THSD7B: variants seen among roughly 807,000 people sequenced by gnomAD.
THSD7B encodes thrombospondin type 1 domain containing 7B, also known as thrombospondin type-1 domain-containing protein 7B.
In THSD7B, 138 loss-of-function variants were observed where a neutral mutation model predicts 213.6. The ratio of observed to expected loss-of-function variants is 0.65; its 90% CI spans 0.56 to 0.74. The LOEUF is 0.74. Among genes scored for constraint, THSD7B ranks in the 30% least tolerant of loss-of-function variants. The pLI is 0.00. For synonymous variants in THSD7B, 742 were observed against 687.0 expected (o/e 1.08, Z -1.25); for missense variants, 1,931 against 1,991.5 (o/e 0.97, Z 0.58).
intron 20 of THSD7B, among the ~76,000 whole-genome samples, chr2:137,633,209 T>C (rs143114573): frequency 6.6e-6 from 1 of 152,314 alleles, no homozygotes; most frequent in Non-Finnish European, 1.5e-5. Flanking sequence ...AAGTGAGAAG[T>C]ACAGCTTTAA....
chr2:136,898,835 G>A (rs527499663), intron 2 of THSD7B, among the ~76,000 whole-genome samples: 17 of 151,744 alleles, frequency 1.1e-4, no homozygotes, highest in African/African-American at 3.6e-4. Flanking sequence ...TAGAGACAGG[G>A]TTTCACCATG....
At chr2:137,405,249 AG>A (rs1405449869) in intron 12 of THSD7B, among the ~76,000 whole-genome samples, 1 of 151,738 alleles carries the variant, frequency 6.6e-6, no homozygotes, top group Non-Finnish European at 1.5e-5. Flanking sequence ...ATTTTTTAAA[AG>A]TAGTTTCGTC....
intron 2 of THSD7B, among the ~76,000 whole-genome samples, chr2:137,043,785 G>A (rs967281321): frequency 3.6e-4 from 55 of 152,256 alleles, no homozygotes; most frequent in African/African-American, 1.3e-3. Flanking sequence ...GGGCAAGGGG[G>A]AAAAGAGAAA....
intron 12 of THSD7B, among the ~76,000 whole-genome samples, chr2:137,352,977 G>A (rs1007798560): frequency 7.9e-5 from 12 of 151,986 alleles, no homozygotes; most frequent in African/African-American, 2.9e-4. Context: ...GGTAGAATGA[G>A]CCTTGCTTAA....
intron 9 of THSD7B, among the ~76,000 whole-genome samples, chr2:137,238,412 T>A (rs1681814545): frequency 6.6e-6 from 1 of 152,086 alleles, no homozygotes; most frequent in Non-Finnish European, 1.5e-5. Context: ...ACCTTAAAAA[T>A]TAATAAGGGA....
chr2:137,377,575 T>A (rs1023040415), intron 12 of THSD7B, among the ~76,000 whole-genome samples: 1 of 152,132 alleles, frequency 6.6e-6, no homozygotes, highest in African/African-American at 2.4e-5. Context: ...TCATTTAAGA[T>A]TCAGAATATT....
At chr2:137,051,021 A>G (rs1318390740) in intron 2 of THSD7B, among the ~76,000 whole-genome samples, 4 of 152,196 alleles carry the variant, frequency 2.6e-5, no homozygotes, top group Non-Finnish European at 5.9e-5. Context: ...TTAGAAATAT[A>G]GACTTGGAAA....
chr2:137,676,768 T>G lies in THSD7B; in HGVS notation c.*163T>G. ...GCCTCAACTTCATTTGGACATGGAGTCAAGGATTATTAGGTCTGCCATTTT... is the reference window on the plus strand; with the variant it reads ...GCCTCAACTTCATTTGGACATGGAGGCAAGGATTATTAGGTCTGCCATTTT... On this transcript the variant is annotated 3_prime_UTR_variant, in exon 28 of 28. Coordinates refer to ENST00000409968, the MANE Select transcript of THSD7B (RefSeq NM_001316349.2). 1 of 576,792 alleles carries G rather than the reference T, an allele frequency of 1.7e-6. No homozygotes were observed. 35.7% of individuals were successfully genotyped at this position (576,792 alleles called of 1,614,324 possible). A position where few individuals can be genotyped will look rare whatever the true frequency, so the allele number is the denominator to read the frequency against.
intron 12 of THSD7B, among the ~76,000 whole-genome samples, chr2:137,348,934 A>G (rs1209466823): frequency 6.6e-6 from 1 of 151,562 alleles, no homozygotes; most frequent in Middle Eastern, 3.2e-3. Flanking sequence ...CTGATACTCT[A>G]AAAGTAAATC....
chr2:137,216,843 G>T (rs1242067500), intron 7 of THSD7B, among the ~76,000 whole-genome samples: 1 of 152,150 alleles, frequency 6.6e-6, no homozygotes, highest in Non-Finnish European at 1.5e-5. Context: ...CAATGCCAGT[G>T]CTCATAGTTT....
chr2:137,032,771 A>T (rs1400636892), intron 2 of THSD7B, among the ~76,000 whole-genome samples: 2 of 152,220 alleles, frequency 1.3e-5, no homozygotes, highest in African/African-American at 4.8e-5. Context: ...GAGTCATTTA[A>T]TCATTTATAA....
At chr2:136,936,830 T>TA (rs1684742008) in intron 2 of THSD7B, among the ~76,000 whole-genome samples, 2 of 151,032 alleles carry the variant, frequency 1.3e-5, no homozygotes, top group East Asian at 1.9e-4. Flanking sequence ...ATAATTTTTT[T>TA]TAAAAAAAGA....
intron 7 of THSD7B, among the ~76,000 whole-genome samples, chr2:137,182,625 A>C (rs1680476566): frequency 6.6e-6 from 1 of 152,190 alleles, no homozygotes; most frequent in African/African-American, 2.4e-5. Context: ...TTCTAAATCA[A>C]ACATACTCGC....
chr2:137,334,211 T>C (rs981856125), intron 12 of THSD7B, among the ~76,000 whole-genome samples: 6 of 151,780 alleles, frequency 4.0e-5, no homozygotes, highest in African/African-American at 7.3e-5. Flanking sequence ...TTTCTCTCTT[T>C]CTCCTTCCTT....
intron 5 of THSD7B, among the ~76,000 whole-genome samples, chr2:137,137,143 C>G (rs1394703844): frequency 6.6e-6 from 1 of 152,002 alleles, no homozygotes; most frequent in Admixed American, 6.6e-5. Flanking sequence ...TACTTTATAC[C>G]TCTGTGATCA....
In THSD7B at chr2:137,656,645, A is replaced by G. The variant is rs574432314; in HGVS notation, c.4106-151A>G. The stretch of plus-strand genomic sequence containing the variant: ...TAAATTACTTCATCATTCTTAGTAC[A>G]TTCTGATTGGAAAATTGATCAATAT... On this transcript the variant is annotated intron_variant, in intron 22 of 27. Coordinates refer to ENST00000409968, the MANE Select transcript of THSD7B (RefSeq NM_001316349.2). The G allele has an allele frequency of 2.7e-5, 19 of 695,266 alleles. No individual in the cohort carries two copies. The South Asian group carries it at 5.8e-4, about 21-fold the overall frequency. The allele number at this position is 695,266 out of a possible 1,614,324, so 43.1% of individuals were successfully genotyped here. A position where few individuals can be genotyped will look rare whatever the true frequency, so the allele number is the denominator to read the frequency against.
At chr2:137,536,744 A>G (rs897963065) in intron 15 of THSD7B, among the ~76,000 whole-genome samples, 3 of 151,682 alleles carry the variant, frequency 2.0e-5, no homozygotes, top group African/African-American at 7.3e-5. Flanking sequence ...ATCATAATAC[A>G]TTCAAATTTC....
intron 1 of THSD7B, among the ~76,000 whole-genome samples, chr2:136,816,039 C>G (rs1461263590): frequency 6.6e-6 from 1 of 152,130 alleles, no homozygotes; most frequent in Admixed American, 6.5e-5. Flanking sequence ...TGTCAGTCAC[C>G]AAGCCTGGAT....
At chr2:136,781,640 C>G (rs1030534596) in intron 1 of THSD7B, among the ~76,000 whole-genome samples, 2 of 151,902 alleles carry the variant, frequency 1.3e-5, no homozygotes, top group African/African-American at 4.8e-5. Flanking sequence ...TACTATGGCC[C>G]CTCCCCTCTT....
Sources: gnomAD v4.1 joint callset for allele counts (sites outside exome capture counted in the v4.1 genomes callset) on GRCh38, gnomAD v4.1.1 for gene constraint, MANE v1.5 for transcripts, NCBI Gene and HGNC (gene_info 2026-07-23, HGNC 2026-07-21) for gene names.